EPB41L5: variants seen among roughly 807,000 people sequenced by gnomAD.
The protein encoded by EPB41L5 is erythrocyte membrane protein band 4.1 like 5, also known as band 4.1-like protein 5.
EPB41L5 carries 55 observed loss-of-function variants against 106.6 expected under a neutral mutation model. That is an observed-to-expected ratio of 0.52 (90% confidence interval 0.42 to 0.65). The LOEUF is 0.65. Ranked by LOEUF, EPB41L5 falls within the 30% of genes least tolerant of loss-of-function variation. The pLI is 0.00. For missense variants in EPB41L5, 871 were observed against 882.1 expected, an observed-to-expected ratio of 0.99 and a Z score of 0.16; for synonymous variants, 297 against 306.7, an observed-to-expected ratio of 0.97 and a Z score of 0.33.
intron 2 of EPB41L5, among the ~76,000 whole-genome samples, chr2:120,036,157 C>G (rs1679026143): frequency 6.6e-6 from 1 of 152,184 alleles, no homozygotes; most frequent in Non-Finnish European, 1.5e-5. Flanking sequence ...TTTCTCACCT[C>G]TAAAAATCCT....
intron 16 of EPB41L5, among the ~76,000 whole-genome samples, chr2:120,120,299 G>T (rs1685150556): frequency 6.6e-6 from 1 of 151,968 alleles, no homozygotes; most frequent in Admixed American, 6.6e-5. Flanking sequence ...AGGCGTAGTG[G>T]CACGTGGCTG....
chr2:120,139,853 G>C (rs1686094391), intron 18 of EPB41L5, among the ~76,000 whole-genome samples: 1 of 152,026 alleles, frequency 6.6e-6, no homozygotes, highest in Non-Finnish European at 1.5e-5. Flanking sequence ...ATATCGAAGA[G>C]ATATCTGCAC....
intron 2 of EPB41L5, among the ~76,000 whole-genome samples, chr2:120,036,280 G>C (rs1679033233): frequency 6.6e-6 from 1 of 152,078 alleles, no homozygotes; most frequent in Non-Finnish European, 1.5e-5. Flanking sequence ...TTTCATCTGT[G>C]GACAAAGAAT....
intron 10 of EPB41L5, among the ~76,000 whole-genome samples, chr2:120,082,567 C>CT (rs1394216214): frequency 6.6e-6 from 1 of 151,816 alleles, no homozygotes; most frequent in African/African-American, 2.4e-5. Context: ...CTAAAATTCT[C>CT]TTTTTTTGTT....
At chr2:120,147,958 C>T (rs938604671) in intron 20 of EPB41L5, among the ~76,000 whole-genome samples, 1 of 152,014 alleles carries the variant, frequency 6.6e-6, no homozygotes. Flanking sequence ...TTTTCCTTCT[C>T]TTTTAATCTA....
chr2:120,071,390 A>G (rs1215316880), intron 3 of EPB41L5, among the ~76,000 whole-genome samples: 1 of 152,230 alleles, frequency 6.6e-6, no homozygotes, highest in Non-Finnish European at 1.5e-5. Flanking sequence ...AATATCATGA[A>G]AATGGCCATA....
intron 18 of EPB41L5, among the ~76,000 whole-genome samples, chr2:120,137,551 A>G (rs1685980300): frequency 6.6e-6 from 1 of 152,098 alleles, no homozygotes; most frequent in South Asian, 2.1e-4. Context: ...AAATCAAAGG[A>G]TCATTAAGGA....
chr2:120,054,929 C>T (rs897846276), intron 3 of EPB41L5, among the ~76,000 whole-genome samples: 12 of 146,540 alleles, frequency 8.2e-5, no homozygotes, highest in South Asian at 4.3e-4. Flanking sequence ...TGCAATCATG[C>T]GAACTTGGCC....
intron 18 of EPB41L5, among the ~76,000 whole-genome samples, chr2:120,132,400 G>T (rs1183617986): frequency 1.3e-5 from 2 of 152,018 alleles, no homozygotes; most frequent in Non-Finnish European, 2.9e-5. Context: ...ACATGACCAA[G>T]ATGAATTTTG....
At chr2:120,165,020 A>G in intron 22 of EPB41L5, 110 bp downstream of exon 22, 1 of 780,770 alleles carries the variant, frequency 1.3e-6, no homozygotes. Flanking sequence ...TTTTCATTTG[A>G]TAAGAGTTTA....
intron 18 of EPB41L5, among the ~76,000 whole-genome samples, chr2:120,141,514 A>T (rs906328976): frequency 2.0e-5 from 3 of 152,110 alleles, no homozygotes; most frequent in Admixed American, 1.3e-4. Context: ...GCATGTATTT[A>T]AAAAGTAAGA....
chr2:120,101,003 A>C (rs892042510), intron 16 of EPB41L5, among the ~76,000 whole-genome samples, 189 bp downstream of exon 16: 1 of 152,226 alleles, frequency 6.6e-6, no homozygotes, highest in Non-Finnish European at 1.5e-5. Flanking sequence ...AAGGGAGTGC[A>C]GTTGTCTAAA....
In EPB41L5 at chr2:120,127,680, C is replaced by T; in HGVS notation, c.1338-8C>T. ...TTGGTCTAAGTAAATTTTCTATTTCCATTGCAGCATTCCTCTGAATATTGA... is the reference window on the plus strand; with the variant it reads ...TTGGTCTAAGTAAATTTTCTATTTCTATTGCAGCATTCCTCTGAATATTGA... On this transcript the variant is annotated splice_region_variant and splice_polypyrimidine_tract_variant and intron_variant, in intron 16 of 24. Transcript: ENST00000263713. 1.3e-6 allele frequency: 2 copies of T among 1,566,540 alleles called. No individual in the cohort carries two copies. The highest frequency in any genetic ancestry group is 8.7e-7 in the Non-Finnish European group (1 of 1,148,752).
intron 17 of EPB41L5, among the ~76,000 whole-genome samples, chr2:120,129,078 T>G (rs1685585802): frequency 1.3e-5 from 2 of 152,184 alleles, no homozygotes; most frequent in African/African-American, 4.8e-5. Context: ...TATTGGGTGC[T>G]GTGTTCACTT....
At chr2:120,019,553 T>A (rs935530643) in intron 2 of EPB41L5, among the ~76,000 whole-genome samples, 8 of 152,230 alleles carry the variant, frequency 5.3e-5, no homozygotes, top group African/African-American at 1.9e-4. Context: ...GTGTTCTTTG[T>A]GATGGCAGCA....
chr2:120,070,115 A>G (rs1037546114), intron 3 of EPB41L5, among the ~76,000 whole-genome samples: 1 of 152,178 alleles, frequency 6.6e-6, no homozygotes, highest in Non-Finnish European at 1.5e-5. Flanking sequence ...AATAGAGAAT[A>G]ATCAAATAGA....
intron 22 of EPB41L5, among the ~76,000 whole-genome samples, chr2:120,166,014 A>G (rs1475270646): frequency 6.7e-6 from 1 of 149,530 alleles, no homozygotes; most frequent in Admixed American, 6.7e-5. Flanking sequence ...CTAACTTTGT[A>G]CCTTATGAGT....
chr2:120,169,436 G>A (rs771307940), intron 24 of EPB41L5, among the ~76,000 whole-genome samples: 1 of 152,100 alleles, frequency 6.6e-6, no homozygotes, highest in African/African-American at 2.4e-5. Context: ...AATAGACAAA[G>A]ATCTTTTAAA....
At chr2:120,150,761 C>G (rs1686636094) in intron 20 of EPB41L5, among the ~76,000 whole-genome samples, 1 of 152,040 alleles carries the variant, frequency 6.6e-6, no homozygotes. Flanking sequence ...ATTCTTAATA[C>G]TAGACTCTTA....
Sources: allele counts gnomAD v4.1 joint callset (sites outside exome capture counted in the v4.1 genomes callset), GRCh38; gene constraint gnomAD v4.1.1; transcripts MANE v1.5; gene names NCBI Gene and HGNC (gene_info 2026-07-23, HGNC 2026-07-21).